The following AKAP6 variants were observed in gnomAD, a reference collection of about 807,000 sequenced individuals.
AKAP6 encodes the protein A-kinase anchoring protein 6.
Under a neutral mutation model 188.5 loss-of-function variants are expected in AKAP6, and 58 were observed. That is an observed-to-expected ratio of 0.31 (90% CI 0.25 to 0.38). The LOEUF is 0.38. Ranked by LOEUF, AKAP6 falls within the 10% of genes least tolerant of loss-of-function variation. The probability of loss-of-function intolerance (pLI) is 1.00; values close to 1 mark genes in which losing one functional copy is unlikely to be tolerated. For missense variants in AKAP6, 2,710 were observed against 2,740.0 expected, an observed-to-expected ratio of 0.99 and a Z score of 0.24; for synonymous variants, 989 against 998.6, an observed-to-expected ratio of 0.99 and a Z score of 0.18.
At chr14:32,441,174 G>A (rs1223931291) in intron 2 of AKAP6, among the ~76,000 whole-genome samples, 1 of 152,166 alleles carries the variant, frequency 6.6e-6, no homozygotes, top group Non-Finnish European at 1.5e-5. Flanking sequence ...TGTTATAGTA[G>A]TCTGAATGAC....
At chr14:32,723,176 C>T (rs975154622) in intron 9 of AKAP6, among the ~76,000 whole-genome samples, 12 of 152,190 alleles carry the variant, frequency 7.9e-5, no homozygotes, top group African/African-American at 2.7e-4. Flanking sequence ...TCCTGTCTCA[C>T]TTTTTTAAAA....
chr14:32,611,555 G>A (rs1374864951), intron 7 of AKAP6, among the ~76,000 whole-genome samples: 1 of 152,142 alleles, frequency 6.6e-6, no homozygotes, highest in Non-Finnish European at 1.5e-5. Flanking sequence ...ATTTTAACAA[G>A]AGACTATTGT....
intron 7 of AKAP6, among the ~76,000 whole-genome samples, chr14:32,627,879 C>CT (rs1321625839): frequency 6.6e-6 from 1 of 151,880 alleles, no homozygotes; most frequent in Non-Finnish European, 1.5e-5. Context: ...GGATTAAGGT[C>CT]TTTAACAGGC....
In AKAP6 at chr14:32,674,610, T is replaced by A. The variant is rs74041661; in HGVS notation, c.2731-3701T>A. Among the ~76,000 whole-genome samples the A allele has an allele frequency of 9.1e-3, 1,379 of 152,280 alleles. 25 individuals are homozygous for A. Among genetic ancestry groups the A allele is most frequent in the African/African-American group, 0.029 (1,211 of 41,544 alleles). On this transcript the variant is annotated intron_variant, in intron 7 of 13. Transcript: ENST00000280979. ...GTACCATTTGTTTAAAACGAAAGGT[T>A]TTATTTTATTTAAAGGCCTAAGTAC...
intron 2 of AKAP6, among the ~76,000 whole-genome samples, chr14:32,490,704 C>T (rs1879965441): frequency 6.6e-6 from 1 of 152,128 alleles, no homozygotes; most frequent in South Asian, 2.1e-4. Context: ...TCGGCTTATA[C>T]ATCTGCAAAG....
At chr14:32,692,378 T>A (rs1890219270) in intron 8 of AKAP6, among the ~76,000 whole-genome samples, 1 of 152,208 alleles carries the variant, frequency 6.6e-6, no homozygotes. Context: ...AAACTATTCA[T>A]TAATAATTTT....
chr14:32,823,815 C>G lies in AKAP6; in HGVS notation c.6002C>G (p.Ala2001Gly), dbSNP rs371577987. 21 of 1,613,564 alleles carry G rather than the reference C, an allele frequency of 1.3e-5. No homozygotes were observed. Among genetic ancestry groups the G allele is most frequent in the Non-Finnish European group, 1.8e-5 (21 of 1,179,926 alleles). Residue 2001 changes from alanine to glycine, a missense_variant, in exon 13 of 14, where the codon GCA becomes GGA. By Grantham distance (60) the Ala-to-Gly change is moderately conservative. Around this residue, in one of 2 missense-constraint regions of AKAP6, gnomAD observed 2,473 missense variants for 2,426.1 expected, o/e 1.02. Transcript: ENST00000280979. ...TRFNNRQDSDALKSSDDAPSM... is the reference protein window; with the variant it reads ...TRFNNRQDSDGLKSSDDAPSM... ...TTTAACAACAGACAAGACTCTGATG[C>G]ACTGAAATCATCTGATGATGCACCG...
At chr14:32,428,276 C>G (rs189749777) in intron 1 of AKAP6, among the ~76,000 whole-genome samples, 1 of 152,102 alleles carries the variant, frequency 6.6e-6, no homozygotes, top group Non-Finnish European at 1.5e-5. Context: ...TCCTTTTTCT[C>G]GGTCCACTCA....
At chr14:32,675,856 T>C (rs140355494) in intron 7 of AKAP6, among the ~76,000 whole-genome samples, 1 of 152,362 alleles carries the variant, frequency 6.6e-6, no homozygotes, top group East Asian at 1.9e-4. Flanking sequence ...CCCTGTCATA[T>C]GTGAAGTATA....
At chr14:32,377,848 A>C (rs1888208552) in intron 1 of AKAP6, among the ~76,000 whole-genome samples, 1 of 152,272 alleles carries the variant, frequency 6.6e-6, no homozygotes, top group South Asian at 2.1e-4. Context: ...GATAAACTGT[A>C]CTTGGAGTAT....
At chr14:32,818,325 C>T (rs530625439) in intron 12 of AKAP6, among the ~76,000 whole-genome samples, 7 of 152,006 alleles carry the variant, frequency 4.6e-5, no homozygotes, top group East Asian at 1.9e-4. Flanking sequence ...GTCAGTGTTC[C>T]TTCCCCACCA....
intron 7 of AKAP6, among the ~76,000 whole-genome samples, chr14:32,659,901 A>G (rs1352705650): frequency 6.6e-6 from 1 of 152,090 alleles, no homozygotes; most frequent in Non-Finnish European, 1.5e-5. Flanking sequence ...GAGAATAACA[A>G]ACAAACATAA....
chr14:32,790,602 A>G (rs1272690148), intron 12 of AKAP6, among the ~76,000 whole-genome samples: 1 of 152,090 alleles, frequency 6.6e-6, no homozygotes, highest in Admixed American at 6.6e-5. Flanking sequence ...TCTTTTCTTA[A>G]TTAATTTATT....
chr14:32,683,154 T>C (rs79408478), intron 8 of AKAP6, among the ~76,000 whole-genome samples: 34,235 of 151,628 alleles, frequency 0.23, 4,739 homozygotes, highest in East Asian at 0.58. Context: ...CCACCATGCC[T>C]GGCTAATTTT....
At chr14:32,383,671 A>T (rs1888441018) in intron 1 of AKAP6, among the ~76,000 whole-genome samples, 1 of 152,122 alleles carries the variant, frequency 6.6e-6, no homozygotes, top group African/African-American at 2.4e-5. Context: ...CTCCCTGGGG[A>T]TGGGGAGCAT....
At chr14:32,632,925 T>C (rs2144913) in intron 7 of AKAP6, among the ~76,000 whole-genome samples, 99 of 152,274 alleles carry the variant, frequency 6.5e-4, no homozygotes, top group African/African-American at 2.3e-3. Context: ...CACTCATTTG[T>C]ATCACATATA....
intron 1 of AKAP6, among the ~76,000 whole-genome samples, chr14:32,410,316 A>C (rs751501297): frequency 7.9e-5 from 12 of 152,104 alleles, no homozygotes; most frequent in Non-Finnish European, 1.3e-4. Context: ...TAACCCAAAC[A>C]TTTCCTTTCT....
intron 2 of AKAP6, among the ~76,000 whole-genome samples, chr14:32,455,890 T>C (rs1402492548): frequency 6.6e-6 from 1 of 152,224 alleles, no homozygotes; most frequent in Non-Finnish European, 1.5e-5. Flanking sequence ...TTACTGACTA[T>C]GCATCTGCCT....
rs59039609 is a variant in AKAP6, at chr14:32,716,665, TTATCTATC to T, written c.3001-15759_3001-15752del. ...TTAATTATATATTATATGGTATACA[TTATCTATC>T]TATCTATCTATCTATCTATCTATCT... On this transcript the variant is annotated intron_variant, in intron 9 of 13. Coordinates refer to ENST00000280979, the MANE Select transcript of AKAP6 (RefSeq NM_004274.5). Among the ~76,000 whole-genome samples, 305 of 143,596 alleles carry T rather than the reference TTATCTATC, an allele frequency of 2.1e-3. 1 individual carries two copies. The highest frequency in any genetic ancestry group is 6.1e-3 in the African/African-American group (240 of 39,146). 94.2% of individuals were successfully genotyped at this position (143,596 alleles called of 152,430 possible).
Sources: allele counts gnomAD v4.1 joint callset (sites outside exome capture counted in the v4.1 genomes callset), GRCh38; gene constraint gnomAD v4.1.1; regional missense constraint gnomAD v4.1.1; transcripts MANE v1.5; gene names NCBI Gene and HGNC (gene_info 2026-07-23, HGNC 2026-07-21).